IGDCC3: variants seen among roughly 807,000 people sequenced by gnomAD.
IGDCC3 encodes the protein immunoglobulin superfamily DCC subclass member 3, also known as putative neuronal cell adhesion molecule.
IGDCC3 carries 47 observed loss-of-function variants against 72.0 expected under a neutral mutation model. That is an observed-to-expected ratio of 0.65 (90% CI 0.52 to 0.83). IGDCC3 has a LOEUF of 0.83. Among genes scored for constraint, IGDCC3 ranks in the 40% least tolerant of loss-of-function variants. The probability of loss-of-function intolerance (pLI) is 0.00; values close to 1 mark genes in which losing one functional copy is unlikely to be tolerated. For missense variants in IGDCC3, 1,038 were observed against 1,091.3 expected (o/e 0.95, Z 0.69); for synonymous variants, 477 against 472.8 (o/e 1.01, Z -0.11).
At position 65,330,347 on chromosome 15, in the gene IGDCC3, C is replaced by G; in HGVS notation, c.1804G>C (p.Asp602His). 1 of 1,614,148 alleles carries G rather than the reference C, an allele frequency of 6.2e-7. No individual in the cohort carries two copies. Among genetic ancestry groups the G allele is most frequent in the Non-Finnish European group, 8.5e-7 (1 of 1,179,998 alleles). Residue 602 changes from aspartate (D) to histidine (H), a missense_variant, in exon 11 of 14, where the codon GAT becomes CAT. Physicochemically the swap from Asp to His is moderately conservative, Grantham distance 81 (BLOSUM62 -1). Transcript: ENST00000327987. ...VKLLAYNQHG[D>H]GNATVRFVSL... ...ACAAAGCGGACTGTGGCATTGCCATCTCCATGCTGGTTGTAGGCGAGCAGC... is the reference window on the plus strand; with the variant it reads ...ACAAAGCGGACTGTGGCATTGCCATGTCCATGCTGGTTGTAGGCGAGCAGC...
chr15:65,370,070 C>T (rs2091313425), intron 2 of IGDCC3, among the ~76,000 whole-genome samples: 1 of 152,166 alleles, frequency 6.6e-6, no homozygotes, highest in African/African-American at 2.4e-5. Context: ...GGGACTAGAA[C>T]TGGACTTTCT....
intron 2 of IGDCC3, among the ~76,000 whole-genome samples, chr15:65,343,955 G>C (rs2091103975): frequency 6.6e-6 from 1 of 152,184 alleles, no homozygotes; most frequent in Non-Finnish European, 1.5e-5. Flanking sequence ...CCAACCCTCT[G>C]TCCCAGGTAC....
Position 65,329,704 on chromosome 15 carries a change from C to A in IGDCC3, c.1997+22G>T. 1 of 1,613,920 alleles carries A rather than the reference C, an allele frequency of 6.2e-7. No homozygotes were observed. The highest frequency in any genetic ancestry group is 8.5e-7 in the Non-Finnish European group (1 of 1,179,942). The stretch of plus-strand genomic sequence containing the variant: ...AGTCCCCCACACACCAGCCCAGCCC[C>A]TCTCCCTGGCCCAGGACCCACCTGC... On this transcript the variant is annotated intron_variant, in intron 12 of 13. Transcript: ENST00000327987. The surrounding 1 kb of genome is among the most constrained non-coding windows in gnomAD (Gnocchi z 4.1).
At chr15:65,369,907 C>G (rs1595765955) in intron 2 of IGDCC3, among the ~76,000 whole-genome samples, 1 of 152,154 alleles carries the variant, frequency 6.6e-6, no homozygotes, top group East Asian at 1.9e-4. Context: ...ACCCTGCCCC[C>G]AGAGCCACAC....
intron 2 of IGDCC3, among the ~76,000 whole-genome samples, chr15:65,347,337 T>A (rs1237385795): frequency 6.6e-6 from 1 of 152,190 alleles, no homozygotes; most frequent in East Asian, 1.9e-4. Flanking sequence ...TGTCACAGAT[T>A]CCCTCTGGGA....
intron 2 of IGDCC3, among the ~76,000 whole-genome samples, chr15:65,371,520 G>GCTGTATTGGCATTACCTGGGCTCTTGT (rs1266098332): frequency 1.2e-4 from 18 of 152,216 alleles, no homozygotes; most frequent in African/African-American, 4.3e-4. Context: ...CTGTGGACCA[G>GCTGTATTGGCATTACCTGGGCTCTTGT]CTGTATTGGC....
At chr15:65,331,028 G>C (rs2090972722) in intron 9 of IGDCC3, 22 bp downstream of exon 9, 28 of 1,611,070 alleles carry the variant, frequency 1.7e-5, no homozygotes, top group Non-Finnish European at 2.4e-5. Flanking sequence ...CTGTGGTTTT[G>C]TGCTCCACAC....
At chr15:65,371,269 C>T (rs904048734) in intron 2 of IGDCC3, among the ~76,000 whole-genome samples, 5 of 152,226 alleles carry the variant, frequency 3.3e-5, no homozygotes, top group Non-Finnish European at 5.9e-5. Flanking sequence ...CCTCCAATAG[C>T]CCTGACAGAT....
In IGDCC3 at chr15:65,375,340, C is replaced by T. The variant is rs756738425; in HGVS notation, c.166G>A (p.Gly56Arg). 1.4e-5 allele frequency: 23 copies of T among 1,611,284 alleles called. No homozygotes were observed. The highest frequency in any genetic ancestry group is 9.3e-5 in the African/African-American group (7 of 74,870). ...CTGCAGTCCAGCACTATAGGCTGCCCGGGGACGGCAACATCATCACTTGGC... is the reference window on the plus strand; with the variant it reads ...CTGCAGTCCAGCACTATAGGCTGCCTGGGGACGGCAACATCATCACTTGGC... The part of the protein sequence containing the change: ...VEPSDDVAVP[G>R]QPIVLDCRVE... The change falls in exon 2 of 14, where the codon GGG (glycine) becomes AGG (arginine). Residue 56 changes from glycine to arginine, a missense_variant. Physicochemically the swap from Gly to Arg is moderately radical, Grantham distance 125. Transcript: ENST00000327987.
At chr15:65,368,163 C>A (rs1300194135) in intron 2 of IGDCC3, among the ~76,000 whole-genome samples, 472 of 5,996 alleles carry the variant, frequency 0.079, 1 homozygote, top group Middle Eastern at 0.25. Context: ...CTTTCACTCA[C>A]ACACACACAC....
chr15:65,354,032 A>C (rs2091194784), intron 2 of IGDCC3, among the ~76,000 whole-genome samples: 1 of 151,946 alleles, frequency 6.6e-6, no homozygotes, highest in African/African-American at 2.4e-5. Flanking sequence ...CAGCCTCCCA[A>C]GTAGCTGGGA....
intron 2 of IGDCC3, among the ~76,000 whole-genome samples, chr15:65,337,765 C>T (rs1027687674): frequency 8.5e-5 from 13 of 152,218 alleles, no homozygotes; most frequent in Admixed American, 7.8e-4. Flanking sequence ...CCCAGGCTCC[C>T]GGGTCAGCTG....
intron 2 of IGDCC3, among the ~76,000 whole-genome samples, chr15:65,371,801 C>T (rs376847961): frequency 6.3e-4 from 96 of 152,328 alleles, no homozygotes; most frequent in African/African-American, 2.2e-3. Context: ...TTCAGGCACA[C>T]AGGCCTCAGG....
chr15:65,367,678 T>C (rs1249380483), intron 2 of IGDCC3, among the ~76,000 whole-genome samples: 1 of 152,008 alleles, frequency 6.6e-6, no homozygotes. Context: ...CACTCCTCTC[T>C]CACTTCAGCT....
intron 6 of IGDCC3, 134 bp downstream of exon 6, chr15:65,333,123 G>T: frequency 1.2e-6 from 1 of 827,232 alleles, no homozygotes; most frequent in East Asian, 2.9e-5. Context: ...CTGGCCTGGG[G>T]GCCGGTGAGG....
intron 2 of IGDCC3, among the ~76,000 whole-genome samples, chr15:65,337,478 GC>G (rs1306351194): frequency 6.6e-6 from 1 of 152,144 alleles, no homozygotes; most frequent in Non-Finnish European, 1.5e-5. Flanking sequence ...CGTAGGTACA[GC>G]CCTTATAAAC....
At chr15:65,336,864 G>A (rs2091034206) in intron 2 of IGDCC3, among the ~76,000 whole-genome samples, 1 of 152,102 alleles carries the variant, frequency 6.6e-6, no homozygotes, top group Non-Finnish European at 1.5e-5. Context: ...TCCCACTCGG[G>A]TTCCCAGCTT....
At position 65,335,960 on chromosome 15, in the gene IGDCC3, G is replaced by A. The variant is rs753939923; in HGVS notation, c.410-4C>T. The A allele has an allele frequency of 6.2e-7, 1 of 1,613,984 alleles. No homozygotes were observed. ...TGCACGTGGAAGTCCGACATGGCTGGGGGAAGAGAAGTGTATGAGTGCAGT... is the reference window on the plus strand; with the variant it reads ...TGCACGTGGAAGTCCGACATGGCTGAGGGAAGAGAAGTGTATGAGTGCAGT... On this transcript the variant is annotated splice_region_variant and splice_polypyrimidine_tract_variant and intron_variant, in intron 2 of 13. Transcript: ENST00000327987.
chr15:65,367,632 C>T (rs543101296), intron 2 of IGDCC3, among the ~76,000 whole-genome samples: 1 of 152,258 alleles, frequency 6.6e-6, no homozygotes, highest in Non-Finnish European at 1.5e-5. Flanking sequence ...CCGCCACCCG[C>T]TGGCCACTCT....
Sources: allele counts gnomAD v4.1 joint callset (sites outside exome capture counted in the v4.1 genomes callset), GRCh38; gene constraint gnomAD v4.1.1; non-coding constraint Gnocchi (gnomAD v3.1); transcripts MANE v1.5; gene names NCBI Gene and HGNC (gene_info 2026-07-23, HGNC 2026-07-21).